Variants in PRKN observed in about 807,000 individuals in gnomAD.
The protein encoded by PRKN is parkin RBR E3 ubiquitin protein ligase.
In PRKN, 56 loss-of-function variants were observed where a neutral mutation model predicts 59.5. The ratio of observed to expected loss-of-function variants is 0.94; its 90% CI spans 0.76 to 1.18. PRKN has a LOEUF of 1.18. Among genes scored for constraint, PRKN ranks in the 50% most tolerant of loss-of-function variants. PRKN has a pLI of 0.00. For synonymous variants in PRKN, 250 were observed against 222.1 expected, an observed-to-expected ratio of 1.13 and a Z score of -1.12; for missense variants, 657 against 596.4, an observed-to-expected ratio of 1.10 and a Z score of -1.06.
chr6:162,609,817 A>G (rs772720809), intron 1 of PRKN, among the ~76,000 whole-genome samples: 1 of 152,218 alleles, frequency 6.6e-6, no homozygotes, highest in South Asian at 2.1e-4. Context: ...GGTTAGTACC[A>G]GTGATTCTGG....
rs546019020 is a variant in PRKN at position 161,730,381 on chromosome 6, T to C, written c.871+55391A>G. On this transcript the variant is annotated intron_variant, in intron 7 of 11. Transcript: ENST00000366898. ...TGTTGCATTCTGATGTGTTGCATTC[T>C]TTCAGATATGTTGCATTCTGACGTG... is the stretch of plus-strand genomic sequence containing the variant. 9.3e-5 allele frequency among the ~76,000 whole-genome samples: 14 copies of C among 151,274 alleles called. No individual in the cohort carries two copies. In the South Asian group the frequency reaches 2.7e-3, roughly 29 times the overall value.
At chr6:161,678,654 T>A (rs62436838) in intron 7 of PRKN, among the ~76,000 whole-genome samples, 2,671 of 134,218 alleles carry the variant, frequency 0.02, 31 homozygotes, top group Non-Finnish European at 0.029. Context: ...TCACTGCACC[T>A]CCCGGGTTCA....
intron 7 of PRKN, among the ~76,000 whole-genome samples, chr6:161,720,276 G>A (rs1430187794): frequency 1.3e-5 from 2 of 152,174 alleles, no homozygotes; most frequent in Non-Finnish European, 2.9e-5. Context: ...ATGACGTGAA[G>A]GTCTTCATGT....
chr6:162,610,095 T>C (rs531813442), intron 1 of PRKN, among the ~76,000 whole-genome samples: 1 of 152,336 alleles, frequency 6.6e-6, no homozygotes, highest in South Asian at 2.1e-4. Flanking sequence ...ACAAAGCTCA[T>C]ATTTACATAG....
intron 4 of PRKN, among the ~76,000 whole-genome samples, chr6:162,182,086 C>T (rs1411062162): frequency 6.6e-6 from 1 of 152,104 alleles, no homozygotes; most frequent in African/African-American, 2.4e-5. Context: ...GAACTGCATG[C>T]AAAGTGTGTT....
chr6:162,110,020 T>A (rs762333052), intron 4 of PRKN, among the ~76,000 whole-genome samples: 1 of 152,240 alleles, frequency 6.6e-6, no homozygotes, highest in Non-Finnish European at 1.5e-5. Flanking sequence ...TACTTAACAC[T>A]ATGTTGAATT....
intron 1 of PRKN, among the ~76,000 whole-genome samples, chr6:162,658,901 T>C (rs1334337194): frequency 6.6e-6 from 1 of 152,040 alleles, no homozygotes; most frequent in Non-Finnish European, 1.5e-5. Context: ...TTTTAAAATG[T>C]TATGACATTT....
chr6:162,376,195 C>A (rs1245964146), intron 2 of PRKN, among the ~76,000 whole-genome samples: 2 of 152,092 alleles, frequency 1.3e-5, no homozygotes, highest in Non-Finnish European at 2.9e-5. Flanking sequence ...CAGGATTTGC[C>A]TCCAAAGAAC....
At chr6:162,177,033 A>T (rs887242245) in intron 4 of PRKN, among the ~76,000 whole-genome samples, 2 of 151,340 alleles carry the variant, frequency 1.3e-5, no homozygotes, top group Non-Finnish European at 2.9e-5. Context: ...CATATATTTT[A>T]CTCACACACA....
chr6:162,634,119 C>T (rs1308224950), intron 1 of PRKN, among the ~76,000 whole-genome samples: 1 of 152,124 alleles, frequency 6.6e-6, no homozygotes, highest in Non-Finnish European at 1.5e-5. Context: ...CCAGAACAGC[C>T]TGTGCATTCA....
rs967441321 is a variant in PRKN at position 161,413,621 on chromosome 6, C to T, written c.1084-26744G>A. ...GGGGGTGTTGGCATGAGATGAAGCT[C>T]ACAGAGGCATGGGCTGCACCGGGTC... On this transcript the variant is annotated intron_variant, in intron 9 of 11. Coordinates refer to ENST00000366898, the MANE Select transcript of PRKN (RefSeq NM_004562.3). This position sits in a 1 kb window ranked among gnomAD's most constrained non-coding sequence, Gnocchi z 4.4. Among the ~76,000 whole-genome samples the T allele has an allele frequency of 6.6e-6, 1 of 152,052 alleles. No individual in the cohort carries two copies. The highest frequency in any genetic ancestry group is 1.5e-5 in the Non-Finnish European group (1 of 68,014).
intron 4 of PRKN, among the ~76,000 whole-genome samples, chr6:162,148,537 T>C (rs948542792): frequency 2.6e-5 from 4 of 152,126 alleles, no homozygotes; most frequent in African/African-American, 9.7e-5. Context: ...AAAGGTCCTA[T>C]GCAGGTAGCA....
intron 2 of PRKN, among the ~76,000 whole-genome samples, chr6:162,301,110 A>AT (rs1245002175): frequency 6.6e-6 from 1 of 152,148 alleles, no homozygotes; most frequent in Non-Finnish European, 1.5e-5. Context: ...ATATATCAAC[A>AT]TAAAAAAAAG....
chr6:162,289,701 G>C (rs917364108), intron 2 of PRKN, among the ~76,000 whole-genome samples: 1 of 131,946 alleles, frequency 7.6e-6, no homozygotes, highest in African/African-American at 3.0e-5. Flanking sequence ...AAAAAAAAAA[G>C]ATTTTTTGAA....
In PRKN at chr6:161,372,082, ATATC is replaced by A. The variant is rs1173695555; in HGVS notation, c.1168-11881_1168-11878del. Reference sequence around the variant, plus strand: ...CCTAAAGGGGAAGTGAATTAAAATAATATCTATCAACCTATTTTGAGATTAATGG... The same window carrying A: ...CCTAAAGGGGAAGTGAATTAAAATAATATCAACCTATTTTGAGATTAATGG... On this transcript the variant is annotated intron_variant, in intron 10 of 11. Transcript: ENST00000366898. The surrounding 1 kb of genome is among the most constrained non-coding windows in gnomAD (Gnocchi z 4.2). Among the ~76,000 whole-genome samples, 2 of 152,254 alleles carry A rather than the reference ATATC, an allele frequency of 1.3e-5. No homozygotes were observed. The highest frequency in any genetic ancestry group is 1.3e-4 in the Admixed American group (2 of 15,288).
chr6:161,373,847 T>G lies in PRKN; in HGVS notation c.1167+12947A>C, dbSNP rs1231170683. ...AATTATGGGGGCCAGGATCCAGCTG[T>G]TAGCTTTTCAAATCTGCACACCTCT... is the stretch of plus-strand genomic sequence containing the variant. On this transcript the variant is annotated intron_variant, in intron 10 of 11. Coordinates refer to ENST00000366898, the MANE Select transcript of PRKN (RefSeq NM_004562.3). The surrounding 1 kb of genome is among the most constrained non-coding windows in gnomAD (Gnocchi z 4.8). 6.6e-6 allele frequency among the ~76,000 whole-genome samples: 1 copy of G among 152,136 alleles called. No homozygotes were observed. The highest frequency in any genetic ancestry group is 1.5e-5 in the Non-Finnish European group (1 of 68,018).
Position 162,343,411 on chromosome 6 carries a change from C to T in PRKN, c.172-80646G>A, listed in dbSNP as rs538030750. 3.9e-5 allele frequency among the ~76,000 whole-genome samples: 6 copies of T among 152,298 alleles called. No homozygotes were observed. In the South Asian group the frequency reaches 1.2e-3, roughly 32 times the overall value. On this transcript the variant is annotated intron_variant, in intron 2 of 11. Transcript: ENST00000366898. Reference sequence around the variant, plus strand: ...AGCCATCCCGTGTGGTTGTTGTTTGCTACTACAGCAGTAGCCATAGCTCTT... The same window carrying T: ...AGCCATCCCGTGTGGTTGTTGTTTGTTACTACAGCAGTAGCCATAGCTCTT...
At chr6:162,335,705 A>C (rs1173386461) in intron 2 of PRKN, among the ~76,000 whole-genome samples, 1 of 152,024 alleles carries the variant, frequency 6.6e-6, no homozygotes. Context: ...TATTTCTCCT[A>C]TTTTATCGCT....
chr6:161,994,105 A>G (rs1007800630), intron 5 of PRKN, among the ~76,000 whole-genome samples: 1 of 152,174 alleles, frequency 6.6e-6, no homozygotes, highest in South Asian at 2.1e-4. Flanking sequence ...CATCAATGCA[A>G]AAATCCTCAA....
Sources: gnomAD v4.1 joint callset for allele counts (sites outside exome capture counted in the v4.1 genomes callset) on GRCh38, gnomAD v4.1.1 for gene constraint, Gnocchi (gnomAD v3.1) non-coding constraint, MANE v1.5 for transcripts, NCBI Gene and HGNC (gene_info 2026-07-23, HGNC 2026-07-21) for gene names.